Variants in PAK3 observed in about 807,000 individuals in gnomAD.
PAK3 encodes serine/threonine-protein kinase PAK 3.
In PAK3, 4 loss-of-function variants were observed where a neutral mutation model predicts 41.0. The ratio of observed to expected loss-of-function variants is 0.10; its 90% confidence interval spans 0.05 to 0.22. PAK3 has a LOEUF of 0.22. Among genes scored for constraint, PAK3 ranks in the 10% least tolerant of loss-of-function variants. The pLI, the probability that PAK3 is intolerant of heterozygous loss-of-function variation, is 1.00. For synonymous variants in PAK3, 146 were observed against 139.6 expected, an observed-to-expected ratio of 1.05 and a Z score of -0.32; for missense variants, 205 against 409.9, an observed-to-expected ratio of 0.50 and a Z score of 4.32.
At chrX:111,172,016 C>A (rs1455117939) in intron 10 of PAK3, among the ~76,000 whole-genome samples, 1 of 111,688 alleles carries the variant, frequency 9.0e-6, no homozygotes, top group Non-Finnish European at 1.9e-5. Flanking sequence ...ATCCCCACAC[C>A]CTTAGCACTG....
chrX:111,181,921 A>G (rs182741293), intron 11 of PAK3, among the ~76,000 whole-genome samples: 28 of 111,525 alleles, frequency 2.5e-4, no homozygotes, highest in African/African-American at 8.8e-4. Context: ...TGAGTTCTAT[A>G]AAAGGCTTTG....
At chrX:111,068,474 T>G (rs190662503) in intron 1 of PAK3, among the ~76,000 whole-genome samples, 1 of 111,763 alleles carries the variant, frequency 8.9e-6, no homozygotes, top group East Asian at 2.8e-4. Context: ...AATTTTTGTA[T>G]ATTTTTTGAT....
chrX:111,146,422 C>T (rs2093945053), intron 6 of PAK3: 6 of 580,392 alleles, frequency 1.0e-5, no homozygotes, highest in African/African-American at 2.3e-5. Context: ...GAAGGGACTC[C>T]CCCCATTCAG....
intron 4 of PAK3, among the ~76,000 whole-genome samples, chrX:111,109,216 T>C (rs1379806714): frequency 8.9e-6 from 1 of 112,123 alleles, no homozygotes; most frequent in Non-Finnish European, 1.9e-5. Flanking sequence ...TGAGATAATA[T>C]ATGAAAGTGT....
At chrX:111,203,422 A>C (rs899367375) in intron 16 of PAK3, among the ~76,000 whole-genome samples, 8 of 111,661 alleles carry the variant, frequency 7.2e-5, no homozygotes, top group Non-Finnish European at 1.5e-4. Context: ...TTCATCATTA[A>C]AATGGGCTAG....
Position 111,080,231 on chromosome X carries a change from G to A in PAK3, c.-27-42846G>A, listed in dbSNP as rs548076734. Among the ~76,000 whole-genome samples, 25 of 111,466 alleles carry A rather than the reference G, an allele frequency of 2.2e-4. No individual in the cohort carries two copies. The South Asian group carries it at 5.4e-3, about 24-fold the overall frequency. On this transcript the variant is annotated intron_variant, in intron 1 of 14. Transcript: ENST00000425146. The stretch of plus-strand genomic sequence containing the variant: ...CTCATGCTACAGAGAAATCTTTCAC[G>A]AAAGGAAGAGCCCATTGATGTGGCA...
intron 7 of PAK3, among the ~76,000 whole-genome samples, chrX:111,150,028 C>T (rs1329901932): frequency 8.9e-6 from 1 of 112,280 alleles, no homozygotes; most frequent in African/African-American, 3.2e-5. Flanking sequence ...GAATGCTTTG[C>T]TGCATAGAAA....
chrX:111,115,440 G>A (rs1368080733), intron 4 of PAK3, among the ~76,000 whole-genome samples: 1 of 111,644 alleles, frequency 9.0e-6, no homozygotes, highest in African/African-American at 3.3e-5. Context: ...TAAGGCCCTT[G>A]TCAGCTAAAT....
intron 1 of PAK3, among the ~76,000 whole-genome samples, chrX:110,967,513 G>A (rs1029829433): frequency 1.8e-4 from 20 of 111,428 alleles, no homozygotes; most frequent in Non-Finnish European, 3.4e-4. Flanking sequence ...GTGCTGAGCT[G>A]AAAGAGAACG....
intron 1 of PAK3, among the ~76,000 whole-genome samples, chrX:111,041,002 G>C (rs1011119692): frequency 8.9e-6 from 1 of 112,378 alleles, no homozygotes; most frequent in Non-Finnish European, 1.9e-5. Flanking sequence ...AGCTGAGTCA[G>C]TTCCTCAGTG....
intron 4 of PAK3, among the ~76,000 whole-genome samples, chrX:111,112,427 T>C (rs2093392205): frequency 9.1e-6 from 1 of 110,308 alleles, no homozygotes. Flanking sequence ...TGAGATGTCA[T>C]GGCTGACATC....
intron 1 of PAK3, among the ~76,000 whole-genome samples, chrX:110,975,615 A>G (rs1268338838): frequency 8.9e-6 from 1 of 112,062 alleles, no homozygotes; most frequent in Non-Finnish European, 1.9e-5. Context: ...ACTACTTTAA[A>G]GTTCATATGG....
intron 1 of PAK3, among the ~76,000 whole-genome samples, chrX:111,075,466 G>A (rs138654307): frequency 1.3e-4 from 15 of 112,861 alleles, no homozygotes; most frequent in Non-Finnish European, 2.6e-4. Context: ...TGTAAGCCTT[G>A]GCAGCTTCCA....
chrX:111,126,316 A>T, intron 5 of PAK3, among the ~76,000 whole-genome samples: 1 of 111,688 alleles, frequency 9.0e-6, no homozygotes, highest in Non-Finnish European at 1.9e-5. Flanking sequence ...GAGGGTTTTC[A>T]ACAGTTTACT....
At chrX:111,163,764 A>T in intron 10 of PAK3, 37 bp downstream of exon 10, 1 of 1,042,045 alleles carries the variant, frequency 9.6e-7, no homozygotes, top group South Asian at 1.9e-5. Context: ...TCTACACGGG[A>T]GTGTTTCTCA....
At chrX:110,974,958 T>C (rs1225898486) in intron 1 of PAK3, among the ~76,000 whole-genome samples, 1 of 111,565 alleles carries the variant, frequency 9.0e-6, no homozygotes, top group Admixed American at 9.5e-5. Context: ...ATGGAACAAA[T>C]CTCAATATAA....
rs773983496 is a variant in PAK3, at chrX:111,194,454, C to T, written c.1110+36C>T. On this transcript the variant is annotated intron_variant, in intron 14 of 17. Transcript: ENST00000372007. ...AGAGCATTTCTAGCTGAGAAGACCACCGAAATTGGCAGTTCTTCATTTCTG... is the reference window on the plus strand; with the variant it reads ...AGAGCATTTCTAGCTGAGAAGACCATCGAAATTGGCAGTTCTTCATTTCTG... 9 of 712,051 alleles carry T rather than the reference C, an allele frequency of 1.3e-5. No homozygotes were observed. In the African/African-American group the frequency reaches 1.9e-4, roughly 15 times the overall value. The allele number at this position is 712,051 out of a possible 1,213,427, so 58.7% of individuals were successfully genotyped here. A position where few individuals can be genotyped will look rare whatever the true frequency, so the allele number is the denominator to read the frequency against.
intron 1 of PAK3, among the ~76,000 whole-genome samples, chrX:111,067,848 G>T (rs1048808758): frequency 9.1e-6 from 1 of 110,057 alleles, no homozygotes; most frequent in African/African-American, 3.3e-5. Context: ...TGTCCTGTCT[G>T]TCTGATTTGG....
intron 1 of PAK3, among the ~76,000 whole-genome samples, chrX:111,044,303 T>G (rs2092478120): frequency 8.9e-6 from 1 of 112,250 alleles, no homozygotes; most frequent in African/African-American, 3.2e-5. Flanking sequence ...TTATTTCCCC[T>G]ACTTATGCCA....
Sources: gnomAD v4.1 joint callset for allele counts (sites outside exome capture counted in the v4.1 genomes callset) on GRCh38, gnomAD v4.1.1 for gene constraint, MANE v1.5 for transcripts, NCBI Gene and HGNC (gene_info 2026-07-23, HGNC 2026-07-21) for gene names.